Variants in C17orf99 observed in about 807,000 individuals in gnomAD.
The protein encoded by C17orf99 is chromosome 17 open reading frame 99.
Under a neutral mutation model 22.6 loss-of-function variants are expected in C17orf99, and 18 were observed. The ratio of observed to expected loss-of-function variants is 0.80; its 90% CI spans 0.55 to 1.18. C17orf99 has a LOEUF of 1.18. Among genes scored for constraint, C17orf99 ranks in the 50% most tolerant of loss-of-function variants. The pLI is 0.00. For missense variants in C17orf99, 328 were observed against 342.7 expected (o/e 0.96, Z 0.34); for synonymous variants, 147 against 136.6 (o/e 1.08, Z -0.53).
intron 2 of C17orf99, among the ~76,000 whole-genome samples, chr17:78,147,811 G>T (rs1252648500): frequency 6.6e-6 from 1 of 152,140 alleles, no homozygotes; most frequent in Non-Finnish European, 1.5e-5. Context: ...TGTTGGTGTG[G>T]CTGCTAAAAA....
At chr17:78,160,500 C>A (rs1194038871) in intron 2 of C17orf99, among the ~76,000 whole-genome samples, 2 of 149,942 alleles carry the variant, frequency 1.3e-5, no homozygotes, top group Non-Finnish European at 3.0e-5. Flanking sequence ...CGCGCCACTG[C>A]ACTCCAGCCT....
chr17:78,146,584 C>A lies in C17orf99; in HGVS notation c.37+140C>A. 1.2e-6 allele frequency: 1 copy of A among 824,250 alleles called. No homozygotes were observed. 51.1% of individuals were successfully genotyped at this position (824,250 alleles called of 1,614,324 possible). A position where few individuals can be genotyped will look rare whatever the true frequency, so the allele number is the denominator to read the frequency against. Reference sequence around the variant, plus strand: ...GAAACATGGACAGAGAGGGAAAGATCTGGGCTTGAGTCTCGGACCAGCCCC... The same window carrying A: ...GAAACATGGACAGAGAGGGAAAGATATGGGCTTGAGTCTCGGACCAGCCCC... On this transcript the variant is annotated intron_variant, in intron 1 of 4. Transcript: ENST00000340363. This position sits in a 1 kb window ranked among gnomAD's most constrained non-coding sequence, Gnocchi z 5.2.
intron 3 of C17orf99, among the ~76,000 whole-genome samples, chr17:78,163,846 A>G (rs2075596365): frequency 6.6e-6 from 1 of 152,258 alleles, no homozygotes; most frequent in African/African-American, 2.4e-5. Flanking sequence ...AGCCTGGGCG[A>G]CAGAGCAAGA....
intron 2 of C17orf99, among the ~76,000 whole-genome samples, chr17:78,149,205 G>A (rs565342985): frequency 3.3e-5 from 5 of 151,694 alleles, no homozygotes; most frequent in African/African-American, 4.8e-5. Context: ...GGTGGCGCAC[G>A]TCTGTAATCC....
At chr17:78,148,503 G>C (rs1396364431) in intron 2 of C17orf99, among the ~76,000 whole-genome samples, 3 of 152,074 alleles carry the variant, frequency 2.0e-5, no homozygotes, top group African/African-American at 7.2e-5. Context: ...CTTCAGCCTG[G>C]GTGGCAGAGC....
intron 2 of C17orf99, chr17:78,157,503 A>C: frequency 8.1e-7 from 1 of 1,228,940 alleles, no homozygotes; most frequent in Middle Eastern, 3.1e-4. Context: ...GCATTGTGTA[A>C]AAATGACTTT....
At chr17:78,164,658 G>T (rs1598954925) in intron 4 of C17orf99, 7 of 1,458,928 alleles carry the variant, frequency 4.8e-6, no homozygotes, top group Non-Finnish European at 5.5e-6. Context: ...GACCACGTGG[G>T]CCAGGTAGGA....
intron 3 of C17orf99, among the ~76,000 whole-genome samples, chr17:78,163,418 C>T (rs2075592740): frequency 6.6e-6 from 1 of 152,116 alleles, no homozygotes; most frequent in African/African-American, 2.4e-5. Context: ...AAGTAGCTTG[C>T]CTTTCAGTAA....
At chr17:78,160,650 C>T in intron 2 of C17orf99, 1 of 314,066 alleles carries the variant, frequency 3.2e-6, no homozygotes, top group Non-Finnish European at 5.9e-6. Flanking sequence ...GATCTCGGCT[C>T]ACTGCCACCT....
chr17:78,160,390 G>T (rs2075563705), intron 2 of C17orf99, among the ~76,000 whole-genome samples: 1 of 151,970 alleles, frequency 6.6e-6, no homozygotes, highest in Non-Finnish European at 1.5e-5. Context: ...ACAAAAATTA[G>T]CCAGGCGTGG....
chr17:78,148,190 C>G (rs1019984648), intron 2 of C17orf99, among the ~76,000 whole-genome samples: 3 of 150,028 alleles, frequency 2.0e-5, no homozygotes, highest in African/African-American at 7.4e-5. Flanking sequence ...CAAGACCAGC[C>G]TGACCGACAC....
chr17:78,157,808 A>G, intron 2 of C17orf99: 7 of 727,154 alleles, frequency 9.6e-6, no homozygotes, highest in Non-Finnish European at 1.5e-5. Context: ...GAAAAAAAAA[A>G]AAAAAAAAAA....
intron 2 of C17orf99, among the ~76,000 whole-genome samples, chr17:78,151,739 A>T (rs9906439): frequency 0.081 from 12,388 of 152,072 alleles, 935 homozygotes; most frequent in East Asian, 0.25. Context: ...CATCTGTAAA[A>T]ACCTGATTTC....
Position 78,166,097 on chromosome 17 carries a change from G to A in C17orf99, c.*51G>A, listed in dbSNP as rs3642. On this transcript the variant is annotated 3_prime_UTR_variant, in exon 5 of 5. Coordinates refer to ENST00000340363, the MANE Select transcript of C17orf99 (RefSeq NM_001163075.2). ...CGGCAGAGGACTGCAGGCCATCAGCGTGCACTGTTCGTATTTGGAGTTCAT... is the reference window on the plus strand; with the variant it reads ...CGGCAGAGGACTGCAGGCCATCAGCATGCACTGTTCGTATTTGGAGTTCAT... 0.23 allele frequency: 132,736 copies of A among 573,800 alleles called. 16,841 individuals carry two copies. Among genetic ancestry groups the A allele is most frequent in the Non-Finnish European group, 0.26 (98,121 of 377,824 alleles). 35.5% of individuals were successfully genotyped at this position (573,800 alleles called of 1,614,324 possible).
At chr17:78,155,725 C>G (rs1598945929) in intron 2 of C17orf99, among the ~76,000 whole-genome samples, 1 of 152,034 alleles carries the variant, frequency 6.6e-6, no homozygotes, top group Non-Finnish European at 1.5e-5. Flanking sequence ...CTCCTGGGTT[C>G]AAGTGATTCT....
At chr17:78,149,787 G>C (rs1170897067) in intron 2 of C17orf99, among the ~76,000 whole-genome samples, 2 of 151,398 alleles carry the variant, frequency 1.3e-5, no homozygotes, top group Non-Finnish European at 2.9e-5. Context: ...TCGGCTCACT[G>C]CAACCTCCAC....
chr17:78,158,170 C>G, intron 2 of C17orf99: 1 of 755,572 alleles, frequency 1.3e-6, no homozygotes, highest in Non-Finnish European at 2.3e-6. Flanking sequence ...CTGCCATGAC[C>G]GAGGAGGCAG....
chr17:78,160,311 G>T lies in C17orf99; in HGVS notation c.71-644G>T, dbSNP rs568650289. ...CCAGCACTTTGGGAGGCCAAGGCGG[G>T]TGGATCACGAGGTCAGGAGTTTGAG... On this transcript the variant is annotated intron_variant, in intron 2 of 4. Coordinates refer to ENST00000340363, the MANE Select transcript of C17orf99 (RefSeq NM_001163075.2). Among the ~76,000 whole-genome samples, 23 of 152,248 alleles carry T rather than the reference G, an allele frequency of 1.5e-4. No individual in the cohort carries two copies. The East Asian group carries it at 1.7e-3, about 12-fold the overall frequency.
upstream of C17orf99, among the ~76,000 whole-genome samples, chr17:78,146,129 T>C (rs1567814906): frequency 6.6e-6 from 1 of 152,158 alleles, no homozygotes; most frequent in African/African-American, 2.4e-5. The surrounding 1 kb of genome is among the most constrained non-coding windows in gnomAD (Gnocchi z 5.2). Context: ...CCCGGGATCC[T>C]GCGGCTCAGA....
Sources: allele counts gnomAD v4.1 joint callset (sites outside exome capture counted in the v4.1 genomes callset), GRCh38; gene constraint gnomAD v4.1.1; non-coding constraint Gnocchi (gnomAD v3.1); transcripts MANE v1.5; gene names NCBI Gene and HGNC (gene_info 2026-07-23, HGNC 2026-07-21).